CSMD1: variants seen among roughly 807,000 people sequenced by gnomAD.
CSMD1 encodes the protein CUB and Sushi multiple domains 1.
Under a neutral mutation model 417.5 loss-of-function variants are expected in CSMD1, and 213 were observed. The observed-to-expected ratio is 0.51, with a 90% CI of 0.46 to 0.57. The LOEUF is 0.57. Among genes scored for constraint, CSMD1 ranks in the 20% least tolerant of loss-of-function variants. CSMD1 has a pLI of 0.00. For synonymous variants in CSMD1, 2,862 were observed against 1,736.8 expected (o/e 1.65, Z -16.11); for missense variants, 6,923 against 4,529.7 (o/e 1.53, Z -15.17).
At chr8:4,448,046 C>G (rs1259615026) in intron 2 of CSMD1, among the ~76,000 whole-genome samples, 2 of 152,140 alleles carry the variant, frequency 1.3e-5, no homozygotes, top group African/African-American at 4.8e-5. Flanking sequence ...ATGAGGTTTC[C>G]TGGAATATCA....
intron 6 of CSMD1, among the ~76,000 whole-genome samples, chr8:3,735,840 T>C (rs1445454897): frequency 6.6e-6 from 1 of 152,222 alleles, no homozygotes; most frequent in Non-Finnish European, 1.5e-5. Context: ...AAAATATGCA[T>C]TGATTTCCTA....
intron 15 of CSMD1, among the ~76,000 whole-genome samples, chr8:3,404,461 G>T (rs572135596): frequency 5.3e-5 from 8 of 152,218 alleles, no homozygotes; most frequent in Non-Finnish European, 7.4e-5. Context: ...GGTTGTCATG[G>T]AGGAGTTTAA....
At chr8:3,300,956 C>G (rs966323067) in intron 25 of CSMD1, among the ~76,000 whole-genome samples, 31 of 31,782 alleles carry the variant, frequency 9.8e-4, no homozygotes, top group African/African-American at 2.3e-4. Context: ...GAGACTCTGT[C>G]TCAAAAAAAA....
At chr8:4,423,087 C>T (rs1430193476) in intron 2 of CSMD1, among the ~76,000 whole-genome samples, 1 of 151,970 alleles carries the variant, frequency 6.6e-6, no homozygotes, top group Admixed American at 6.6e-5. Flanking sequence ...CTAAAGATAA[C>T]ATTTTGCTTA....
intron 3 of CSMD1, among the ~76,000 whole-genome samples, chr8:4,081,177 TTC>T (rs1334589855): frequency 6.6e-6 from 1 of 152,180 alleles, no homozygotes. Context: ...ATAAATAAAC[TTC>T]TGTTATTTAT....
intron 7 of CSMD1, among the ~76,000 whole-genome samples, chr8:3,629,703 G>A (rs887451762): frequency 1.3e-5 from 2 of 150,266 alleles, no homozygotes; most frequent in African/African-American, 2.4e-5. Context: ...AAGACCACAT[G>A]ATCGGCACAG....
At chr8:3,426,731 T>A (rs1410790784) in intron 12 of CSMD1, among the ~76,000 whole-genome samples, 1 of 152,262 alleles carries the variant, frequency 6.6e-6, no homozygotes, top group Non-Finnish European at 1.5e-5. Flanking sequence ...CTTTATAGTT[T>A]ACTAAAATGT....
chr8:3,381,649 T>C (rs1030651765), intron 18 of CSMD1, among the ~76,000 whole-genome samples: 2 of 152,224 alleles, frequency 1.3e-5, no homozygotes, highest in Admixed American at 6.5e-5. Flanking sequence ...ATCATCCTTC[T>C]GACACTAAAA....
chr8:4,464,113 G>C (rs533795738), intron 2 of CSMD1, among the ~76,000 whole-genome samples: 3 of 151,934 alleles, frequency 2.0e-5, no homozygotes, highest in South Asian at 2.1e-4. Flanking sequence ...ATGAGATAGA[G>C]CTCAGAACCT....
chr8:4,174,493 G>A (rs1244952145), intron 3 of CSMD1, among the ~76,000 whole-genome samples: 2 of 151,426 alleles, frequency 1.3e-5, no homozygotes, highest in East Asian at 2.0e-4. Flanking sequence ...AAATCTTTGA[G>A]AAACTATGGG....
intron 1 of CSMD1, among the ~76,000 whole-genome samples, chr8:4,861,725 C>A (rs777393006): frequency 3.3e-5 from 5 of 151,976 alleles, no homozygotes; most frequent in African/African-American, 9.7e-5. Flanking sequence ...ATATGGCATA[C>A]GTTAAAGAAT....
chr8:3,380,711 G>A (rs754853363), intron 18 of CSMD1, among the ~76,000 whole-genome samples: 19 of 152,012 alleles, frequency 1.2e-4, no homozygotes, highest in African/African-American at 3.1e-4. Context: ...GACACAGGCT[G>A]GGGAAACATC....
intron 50 of CSMD1, among the ~76,000 whole-genome samples, chr8:3,033,935 C>T (rs1007827420): frequency 6.6e-6 from 1 of 152,160 alleles, no homozygotes; most frequent in African/African-American, 2.4e-5. Context: ...AGTCTCAGCT[C>T]ATCACAGCAG....
intron 51 of CSMD1, among the ~76,000 whole-genome samples, chr8:3,019,619 C>G (rs2128969421): frequency 6.6e-6 from 1 of 152,336 alleles, no homozygotes; most frequent in South Asian, 2.1e-4. Context: ...TGCATACAAA[C>G]TAGACCTTAA....
intron 23 of CSMD1, among the ~76,000 whole-genome samples, chr8:3,334,426 A>C (rs1807111287): frequency 6.6e-6 from 1 of 152,150 alleles, no homozygotes; most frequent in African/African-American, 2.4e-5. Context: ...CCACTCTCTC[A>C]TTTATAGTAG....
intron 3 of CSMD1, among the ~76,000 whole-genome samples, chr8:4,158,433 A>C (rs1253085510): frequency 1.4e-5 from 2 of 147,542 alleles, no homozygotes; most frequent in East Asian, 3.9e-4. Flanking sequence ...ACAAACAAAC[A>C]AAAAAAAATC....
chr8:4,766,302 C>A (rs188789410), intron 1 of CSMD1, among the ~76,000 whole-genome samples: 399 of 152,216 alleles, frequency 2.6e-3, no homozygotes, highest in Admixed American at 5.5e-3. Flanking sequence ...CTTTTTCATT[C>A]GGTGAGCCAA....
chr8:3,015,837 G>A (rs959085941), intron 52 of CSMD1, among the ~76,000 whole-genome samples: 1 of 152,108 alleles, frequency 6.6e-6, no homozygotes, highest in African/African-American at 2.4e-5. Flanking sequence ...AAGACTGATA[G>A]GCGAGAGCGT....
chr8:3,427,025 T>C (rs926003345), intron 12 of CSMD1, among the ~76,000 whole-genome samples: 46 of 152,048 alleles, frequency 3.0e-4, no homozygotes, highest in African/African-American at 1.1e-3. Flanking sequence ...ACCAAACACT[T>C]ATAAAACCAA....
Sources: allele counts gnomAD v4.1 joint callset (sites outside exome capture counted in the v4.1 genomes callset), GRCh38; gene constraint gnomAD v4.1.1; transcripts MANE v1.5; gene names NCBI Gene and HGNC (gene_info 2026-07-23, HGNC 2026-07-21).